Variants in TUSC3 observed in about 807,000 individuals in gnomAD.
The protein encoded by TUSC3 is dolichyl-diphosphooligosaccharide--protein glycosyltransferase subunit TUSC3.
TUSC3 carries 45 observed loss-of-function variants against 44.8 expected under a neutral mutation model. The observed-to-expected ratio is 1.00, with a 90% CI of 0.79 to 1.29. TUSC3 has a LOEUF of 1.29. Among genes scored for constraint, TUSC3 ranks in the 50% most tolerant of loss-of-function variants. TUSC3 has a pLI of 0.00. For synonymous variants in TUSC3, 212 were observed against 152.9 expected (o/e 1.39, Z -2.85); for missense variants, 519 against 437.9 (o/e 1.19, Z -1.65).
intron 6 of TUSC3, among the ~76,000 whole-genome samples, chr8:15,696,028 A>G (rs770647118): frequency 2.0e-5 from 3 of 152,200 alleles, no homozygotes; most frequent in Non-Finnish European, 4.4e-5. Flanking sequence ...CTGAGGAGAA[A>G]TTCAAGCCAG....
intron 6 of TUSC3, among the ~76,000 whole-genome samples, chr8:15,695,147 C>T (rs540411884): frequency 2.0e-5 from 3 of 152,292 alleles, no homozygotes; most frequent in African/African-American, 7.2e-5. Context: ...GGAAGGCATG[C>T]AGTTAGCACC....
At chr8:15,570,449 C>G (rs1802833067) in intron 1 of TUSC3, among the ~76,000 whole-genome samples, 1 of 151,992 alleles carries the variant, frequency 6.6e-6, no homozygotes, top group Admixed American at 6.6e-5. Flanking sequence ...AGATAGAGGC[C>G]TATGTCATTT....
chr8:15,595,918 A>T (rs1303190368), intron 1 of TUSC3, among the ~76,000 whole-genome samples: 1 of 152,188 alleles, frequency 6.6e-6, no homozygotes, highest in East Asian at 1.9e-4. Flanking sequence ...TGCCATAGGA[A>T]CTTAGTGATT....
At chr8:15,549,244 G>C (rs1342627222) in intron 1 of TUSC3, among the ~76,000 whole-genome samples, 1 of 151,642 alleles carries the variant, frequency 6.6e-6, no homozygotes, top group Non-Finnish European at 1.5e-5. Context: ...GGCTATCTCT[G>C]CTCATTGCAA....
intron 2 of TUSC3, among the ~76,000 whole-genome samples, chr8:15,530,274 T>A (rs749314310): frequency 1.3e-5 from 2 of 152,088 alleles, no homozygotes; most frequent in Non-Finnish European, 2.9e-5. Context: ...TTTTCTCAGA[T>A]GAGGACTTTG....
intron 6 of TUSC3, among the ~76,000 whole-genome samples, chr8:15,688,743 C>T (rs1435323590): frequency 6.6e-6 from 1 of 152,098 alleles, no homozygotes; most frequent in Non-Finnish European, 1.5e-5. Context: ...TCTCTGTATG[C>T]CAGGGAGGAC....
At chr8:15,547,091 T>G (rs913636373) in intron 1 of TUSC3, among the ~76,000 whole-genome samples, 1 of 151,710 alleles carries the variant, frequency 6.6e-6, no homozygotes, top group Non-Finnish European at 1.5e-5. Flanking sequence ...TGGTTAATCA[T>G]GTAAAGATAC....
intron 1 of TUSC3, among the ~76,000 whole-genome samples, chr8:15,544,104 A>C (rs17121625): frequency 0.027 from 4,141 of 152,266 alleles, 170 homozygotes; most frequent in African/African-American, 0.082. Flanking sequence ...TCTTAATTAC[A>C]TTGAATATAG....
intron 2 of TUSC3, among the ~76,000 whole-genome samples, chr8:15,524,989 T>G (rs2129130062): frequency 6.6e-6 from 1 of 152,304 alleles, no homozygotes; most frequent in East Asian, 1.9e-4. Flanking sequence ...GACGTTAGAA[T>G]AATTTTAGAA....
At chr8:15,448,121 T>TATATATATATATATATATATATATATA (rs1354912985) in intron 1 of TUSC3, among the ~76,000 whole-genome samples, 700 of 24,782 alleles carry the variant, frequency 0.028, 52 homozygotes, top group East Asian at 0.061. Flanking sequence ...ATATATATAT[T>TATATATATATATATATATATATATATA]TATTTATTTA....
At chr8:15,718,775 G>T (rs1166251563) in intron 6 of TUSC3, among the ~76,000 whole-genome samples, 1 of 151,800 alleles carries the variant, frequency 6.6e-6, no homozygotes, top group Non-Finnish European at 1.5e-5. Context: ...GTCTATATTT[G>T]TATTACTACA....
At chr8:15,558,880 G>A (rs530560534) in intron 1 of TUSC3, among the ~76,000 whole-genome samples, 3 of 151,162 alleles carry the variant, frequency 2.0e-5, no homozygotes, top group African/African-American at 7.3e-5. Context: ...TATTGCGTCT[G>A]TTCGATTCTT....
chr8:15,684,480 T>C (rs1317783478), intron 6 of TUSC3, among the ~76,000 whole-genome samples: 1 of 152,164 alleles, frequency 6.6e-6, no homozygotes, highest in African/African-American at 2.4e-5. Flanking sequence ...CGCCAGTGTC[T>C]GCACCAGGAG....
At chr8:15,616,842 G>A (rs971400528) in intron 1 of TUSC3, among the ~76,000 whole-genome samples, 10 of 152,054 alleles carry the variant, frequency 6.6e-5, no homozygotes, top group Non-Finnish European at 1.3e-4. Flanking sequence ...TTCCAAGTCA[G>A]AAGCAGGTCG....
chr8:15,548,874 A>G (rs1252235654), intron 1 of TUSC3, among the ~76,000 whole-genome samples: 2 of 151,782 alleles, frequency 1.3e-5, no homozygotes, highest in Non-Finnish European at 2.9e-5. Flanking sequence ...GTTGAGGTAC[A>G]TGTAGCCCTC....
chr8:15,663,469 C>G (rs1026854461), intron 5 of TUSC3, among the ~76,000 whole-genome samples: 3 of 151,674 alleles, frequency 2.0e-5, no homozygotes, highest in African/African-American at 2.4e-5. Context: ...GTCTTGATGA[C>G]TAAGTTGGAA....
chr8:15,554,296 A>G, intron 1 of TUSC3, among the ~76,000 whole-genome samples: 1 of 151,642 alleles, frequency 6.6e-6, no homozygotes, highest in Admixed American at 6.6e-5. Context: ...CCACATGACT[A>G]ACTTTAGCCT....
chr8:15,423,693 G>T (rs142259450), intron 1 of TUSC3, among the ~76,000 whole-genome samples: 40 of 152,186 alleles, frequency 2.6e-4, no homozygotes, highest in Middle Eastern at 3.4e-3. Flanking sequence ...CTCCTAAAGC[G>T]GGGAGAGTGG....
intron 6 of TUSC3, among the ~76,000 whole-genome samples, chr8:15,722,885 T>C (rs1237415010): frequency 1.3e-5 from 2 of 152,124 alleles, no homozygotes; most frequent in African/African-American, 4.8e-5. Context: ...ATAGCCTTTC[T>C]GAAAGCTTTC....
Sources: allele counts gnomAD v4.1 joint callset (sites outside exome capture counted in the v4.1 genomes callset), GRCh38; gene constraint gnomAD v4.1.1; transcripts MANE v1.5; gene names NCBI Gene and HGNC (gene_info 2026-07-23, HGNC 2026-07-21).